The following LRRC9 variants were observed in gnomAD, a reference collection of about 807,000 sequenced individuals.
LRRC9 encodes leucine-rich repeat-containing protein 9.
Under a neutral mutation model 63.2 loss-of-function variants are expected in LRRC9, and 122 were observed. That is an observed-to-expected ratio of 1.93 (90% CI 1.67 to 2.24). LRRC9 has a LOEUF of 2.24. LRRC9 is among the 30% of genes most tolerant of loss of function. LRRC9 has a pLI of 0.00. For missense variants in LRRC9, 1,071 were observed against 627.7 expected, an observed-to-expected ratio of 1.71 and a Z score of -7.55; for synonymous variants, 366 against 213.1, an observed-to-expected ratio of 1.72 and a Z score of -6.25.
At chr14:60,024,518 G>T (rs1455568671) in intron 27 of LRRC9, among the ~76,000 whole-genome samples, 1 of 152,042 alleles carries the variant, frequency 6.6e-6, no homozygotes, top group Admixed American at 6.6e-5. Flanking sequence ...CATCGAGGTA[G>T]TTGATCTGAG....
intron 29 of LRRC9, among the ~76,000 whole-genome samples, chr14:60,041,802 T>C (rs1055101331): frequency 4.6e-5 from 7 of 152,356 alleles, no homozygotes; most frequent in East Asian, 3.9e-4. Context: ...AGGAGCTGCA[T>C]TCCTTTGGAG....
At chr14:60,023,027 A>C (rs1168701604) in intron 27 of LRRC9, among the ~76,000 whole-genome samples, 157 bp downstream of exon 27, 2 of 152,024 alleles carry the variant, frequency 1.3e-5, no homozygotes, top group African/African-American at 4.8e-5. Context: ...TTGGTTACTT[A>C]CATTTTTTAG....
At chr14:59,925,616 T>A (rs932247667) in intron 1 of LRRC9, among the ~76,000 whole-genome samples, 14 of 152,204 alleles carry the variant, frequency 9.2e-5, no homozygotes, top group Admixed American at 6.5e-5. Flanking sequence ...GGTAGGGCAA[T>A]GTCCTCAATT....
chr14:59,954,822 C>G (rs543589644), intron 8 of LRRC9, among the ~76,000 whole-genome samples: 3 of 152,126 alleles, frequency 2.0e-5, no homozygotes, highest in Non-Finnish European at 2.9e-5. Context: ...TATGTTCCAG[C>G]AATACCTAGT....
intron 29 of LRRC9, among the ~76,000 whole-genome samples, chr14:60,043,567 T>G (rs1893136661): frequency 6.6e-6 from 1 of 152,208 alleles, no homozygotes; most frequent in Non-Finnish European, 1.5e-5. Context: ...TTGTTCTTGA[T>G]TCTGTTAATA....
At chr14:60,015,230 T>C (rs1288134249) in intron 23 of LRRC9, among the ~76,000 whole-genome samples, 1 of 144,152 alleles carries the variant, frequency 6.9e-6, no homozygotes, top group Non-Finnish European at 1.5e-5. Flanking sequence ...TTGTTGAGCA[T>C]TTTTCCTTTG....
chr14:59,960,835 T>TA (rs1051180879), intron 9 of LRRC9, 79 bp from the exon 10 acceptor site: 22 of 484,890 alleles, frequency 4.5e-5, no homozygotes, highest in African/African-American at 2.6e-4. Flanking sequence ...TAACATCAGT[T>TA]AAAAAAAATC....
In LRRC9 at chr14:60,042,704, A is replaced by G. The variant is rs1387190365; in HGVS notation, c.3991-10361A>G. On this transcript the variant is annotated intron_variant, in intron 29 of 31. Transcript: ENST00000445360. The surrounding 1 kb of genome is among the most constrained non-coding windows in gnomAD (Gnocchi z 4.2). ...CCCCACCCTTTGCACTTCCCGGGTG[A>G]GGCAATGCCCTGTCCTGCTTTGGCT... Among the ~76,000 whole-genome samples the G allele has an allele frequency of 6.6e-6, 1 of 152,088 alleles. No individual in the cohort carries two copies. Among genetic ancestry groups the G allele is most frequent in the Admixed American group, 6.6e-5 (1 of 15,264 alleles).
intron 8 of LRRC9, among the ~76,000 whole-genome samples, chr14:59,954,188 A>T (rs1476513756): frequency 1.3e-5 from 2 of 152,166 alleles, no homozygotes; most frequent in African/African-American, 4.8e-5. Context: ...TTTGTTTCTA[A>T]TTCTGTGAAG....
At chr14:59,948,007 A>T (rs1321501371) in intron 8 of LRRC9, among the ~76,000 whole-genome samples, 2 of 150,348 alleles carry the variant, frequency 1.3e-5, no homozygotes, top group African/African-American at 4.9e-5. Flanking sequence ...TTTTGGTTCC[A>T]TATGAACTTT....
chr14:59,985,972 T>C (rs219344), intron 17 of LRRC9, among the ~76,000 whole-genome samples: 113,741 of 151,972 alleles, frequency 0.75, 44,710 homozygotes, highest in Non-Finnish European at 0.87. Context: ...TCTTCTTTCT[T>C]TCTTTCTCAT....
Position 59,959,870 on chromosome 14 carries a change from GA to G in LRRC9, c.936del (p.Ser313ProfsTer6). The G allele has an allele frequency of 1.4e-6, 1 of 694,054 alleles. No homozygotes were observed. The highest frequency in any genetic ancestry group is 2.6e-6 in the Non-Finnish European group (1 of 381,500). 43.0% of individuals were successfully genotyped at this position (694,054 alleles called of 1,614,324 possible). A position where few individuals can be genotyped will look rare whatever the true frequency, so the allele number is the denominator to read the frequency against. ...GGCTCGGGCAAAGGGCACAGTGATGGATCCAATAACAGTAAAGTAACTGATC... is the reference window on the plus strand; with the variant it reads ...GGCTCGGGCAAAGGGCACAGTGATGGTCCAATAACAGTAAAGTAACTGATC... On this transcript the variant is annotated frameshift_variant, in exon 9 of 32. Transcript: ENST00000445360. LOFTEE classifies it high-confidence loss of function.
rs540645177 is a variant in LRRC9, at chr14:59,923,139, T to C, written c.-34+3256T>C. Reference sequence around the variant, plus strand: ...TCTTGATGAATTCAGTAACTTCATCTGGAACCCTTGAGTCCATTTGTGACT... The same window carrying C: ...TCTTGATGAATTCAGTAACTTCATCCGGAACCCTTGAGTCCATTTGTGACT... On this transcript the variant is annotated intron_variant, in intron 1 of 31. Transcript: ENST00000445360. This position sits in a 1 kb window ranked among gnomAD's most constrained non-coding sequence, Gnocchi z 4.2. Among the ~76,000 whole-genome samples the C allele has an allele frequency of 6.6e-6, 1 of 152,320 alleles. No homozygotes were observed. The highest frequency in any genetic ancestry group is 2.1e-4 in the South Asian group (1 of 4,818).
Position 60,062,805 on chromosome 14 carries a change from C to G in LRRC9, c.4277-518C>G, listed in dbSNP as rs1595138251. Among the ~76,000 whole-genome samples the G allele has an allele frequency of 2.6e-5, 4 of 152,264 alleles. No individual in the cohort carries two copies. In the South Asian group the frequency reaches 8.3e-4, roughly 32 times the overall value. ...GCTCCTGCTCATCTGTTAAAATGAC[C>G]TACCTCAGCAGCAGATCTAGCTTAG... On this transcript the variant is annotated intron_variant, in intron 31 of 31. Coordinates refer to ENST00000445360, the Ensembl canonical transcript of LRRC9.
intron 17 of LRRC9, among the ~76,000 whole-genome samples, chr14:59,991,858 C>A (rs1456145560): frequency 2.6e-5 from 4 of 152,200 alleles, no homozygotes; most frequent in Non-Finnish European, 5.9e-5. Flanking sequence ...AGGAGGCCTG[C>A]CTGCCTCTGT....
At position 60,018,948 on chromosome 14, in the gene LRRC9, C is replaced by G. The variant is rs79719102; in HGVS notation, c.3427-173C>G. 2.7e-3 allele frequency among the ~76,000 whole-genome samples: 408 copies of G among 151,620 alleles called. 1 individual carries two copies. The highest frequency in any genetic ancestry group is 9.3e-3 in the African/African-American group (385 of 41,396). Reference sequence around the variant, plus strand: ...TCTCCATGTGAAGTACTGTAATTTCCCAGAATGTCAGATTAAAAACACATT... The same window carrying G: ...TCTCCATGTGAAGTACTGTAATTTCGCAGAATGTCAGATTAAAAACACATT... On this transcript the variant is annotated intron_variant, in intron 25 of 31. Coordinates refer to ENST00000445360, the Ensembl canonical transcript of LRRC9.
At chr14:59,993,602 A>C (rs2140163221) in intron 17 of LRRC9, among the ~76,000 whole-genome samples, 1 of 152,362 alleles carries the variant, frequency 6.6e-6, no homozygotes, top group Middle Eastern at 3.4e-3. Context: ...GGCTCAAAAT[A>C]AAGGGAGGGA....
intron 12 of LRRC9, among the ~76,000 whole-genome samples, chr14:59,967,620 T>G (rs567293121): frequency 2.2e-4 from 34 of 152,338 alleles, no homozygotes; most frequent in African/African-American, 7.9e-4. Context: ...TTCTTTATTC[T>G]CTACTTCACT....
intron 29 of LRRC9, among the ~76,000 whole-genome samples, chr14:60,037,548 G>C (rs141930281): frequency 0.019 from 2,944 of 152,232 alleles, 52 homozygotes; most frequent in South Asian, 0.047. Flanking sequence ...GTGTCTGTTG[G>C]CTGCATAAAT....
Sources: gnomAD v4.1 joint callset for allele counts (sites outside exome capture counted in the v4.1 genomes callset) on GRCh38, gnomAD v4.1.1 for gene constraint, Gnocchi (gnomAD v3.1) non-coding constraint, MANE v1.5 for transcripts, NCBI Gene and HGNC (gene_info 2026-07-23, HGNC 2026-07-21) for gene names.